GPC6: variants seen among roughly 807,000 people sequenced by gnomAD.
GPC6 encodes the protein glypican-6.
A neutral mutation model predicts 55.2 loss-of-function variants in GPC6; 14 were observed. That is an observed-to-expected ratio of 0.25 (90% CI 0.17 to 0.40). GPC6 has a LOEUF of 0.40. Ranked by LOEUF, GPC6 falls within the 10% of genes least tolerant of loss-of-function variation. GPC6 has a pLI of 1.00. For synonymous variants in GPC6, 278 were observed against 259.6 expected, an observed-to-expected ratio of 1.07 and a Z score of -0.68; for missense variants, 641 against 708.5, an observed-to-expected ratio of 0.90 and a Z score of 1.08.
chr13:93,735,292 T>C (rs9524184), intron 2 of GPC6, among the ~76,000 whole-genome samples: 73,123 of 151,968 alleles, frequency 0.48, 19,423 homozygotes, highest in Middle Eastern at 0.73. Flanking sequence ...CCCAGCACTT[T>C]GGGAGGCCGA....
chr13:93,759,876 T>TTG (rs1426883165), intron 2 of GPC6, among the ~76,000 whole-genome samples: 28 of 151,946 alleles, frequency 1.8e-4, no homozygotes, highest in African/African-American at 6.8e-4. Context: ...ATGGTTCCAG[T>TTG]AATATATGTT....
intron 2 of GPC6, among the ~76,000 whole-genome samples, chr13:93,751,177 A>T (rs1398393919): frequency 6.6e-6 from 1 of 151,928 alleles, no homozygotes; most frequent in Non-Finnish European, 1.5e-5. Flanking sequence ...AAACAAACAA[A>T]CAAACAAACA....
chr13:93,697,986 C>G lies in GPC6; in HGVS notation c.320-132168C>G, dbSNP rs41486244. On this transcript the variant is annotated intron_variant, in intron 2 of 8. Transcript: ENST00000377047. ...AAATGAAGTGAGTGTGGCCTTCAAC[C>G]ATATCTCTAAAATAATCTGATTCCT... is the stretch of plus-strand genomic sequence containing the variant. 1.2e-3 allele frequency among the ~76,000 whole-genome samples: 181 copies of G among 152,204 alleles called. 5 individuals are homozygous for G. The East Asian group carries it at 0.032, about 27-fold the overall frequency.
chr13:93,651,985 A>G (rs1880439076), intron 2 of GPC6, among the ~76,000 whole-genome samples: 1 of 152,166 alleles, frequency 6.6e-6, no homozygotes, highest in African/African-American at 2.4e-5. Context: ...GCTAAATGAT[A>G]AATTTAAACT....
rs371852301 is a variant in GPC6, at chr13:93,273,937, A to T, written c.160+46321A>T. Among the ~76,000 whole-genome samples, 21 of 151,888 alleles carry T rather than the reference A, an allele frequency of 1.4e-4. No homozygotes were observed. The East Asian group carries it at 1.8e-3, about 13-fold the overall frequency. ...AATTCTGTGCCTCAGCGTCCTGAGT[A>T]GCTGGGATTACAGGCACGTACCACC... On this transcript the variant is annotated intron_variant, in intron 1 of 8. Transcript: ENST00000377047.
At chr13:94,000,612 T>G (rs1283149049) in intron 3 of GPC6, among the ~76,000 whole-genome samples, 1 of 152,140 alleles carries the variant, frequency 6.6e-6, no homozygotes, top group Non-Finnish European at 1.5e-5. Context: ...ACAGAAAGAC[T>G]AAAAATAGGT....
chr13:93,368,367 T>TTCTTCCTC, intron 1 of GPC6, among the ~76,000 whole-genome samples: 1 of 122,596 alleles, frequency 8.2e-6, no homozygotes, highest in African/African-American at 2.8e-5. Context: ...CTTCCTTCCT[T>TTCTTCCTC]CCTTCCTTCC....
intron 1 of GPC6, among the ~76,000 whole-genome samples, chr13:93,351,829 C>A (rs1415332049): frequency 1.3e-5 from 2 of 152,116 alleles, no homozygotes; most frequent in Non-Finnish European, 2.9e-5. Context: ...CATTTGTCTT[C>A]ACTTTTCTGA....
chr13:93,944,579 GT>G (rs1288543513), intron 3 of GPC6, among the ~76,000 whole-genome samples: 1 of 152,148 alleles, frequency 6.6e-6, no homozygotes, highest in African/African-American at 2.4e-5. Context: ...CATTTTGCTT[GT>G]TTTACAGCCA....
At chr13:93,369,094 G>A (rs1881363097) in intron 1 of GPC6, among the ~76,000 whole-genome samples, 1 of 152,062 alleles carries the variant, frequency 6.6e-6, no homozygotes, top group Admixed American at 6.6e-5. Context: ...TGAGAAGAGA[G>A]AGGGGTGCCT....
chr13:93,871,980 AAAG>A (rs1889146155), intron 3 of GPC6, among the ~76,000 whole-genome samples: 1 of 151,656 alleles, frequency 6.6e-6, no homozygotes, highest in Non-Finnish European at 1.5e-5. Context: ...AAGAGGCACA[AAAG>A]AAATAAATAA....
At chr13:93,303,305 C>T (rs1878742575) in intron 1 of GPC6, among the ~76,000 whole-genome samples, 1 of 152,192 alleles carries the variant, frequency 6.6e-6, no homozygotes, top group Admixed American at 6.5e-5. Flanking sequence ...AGGCCACTTA[C>T]TCAGTTTACT....
chr13:93,545,966 A>G (rs916142788), intron 2 of GPC6, among the ~76,000 whole-genome samples: 2 of 152,172 alleles, frequency 1.3e-5, no homozygotes, highest in Non-Finnish European at 2.9e-5. Context: ...AGTCAATGTT[A>G]TTTCTATATT....
At chr13:93,973,971 T>A (rs560159820) in intron 3 of GPC6, among the ~76,000 whole-genome samples, 39 of 152,336 alleles carry the variant, frequency 2.6e-4, no homozygotes, top group African/African-American at 9.4e-4. Flanking sequence ...TCCCTGAAAC[T>A]TTTTAGGCGT....
At chr13:93,583,630 T>C (rs1214856559) in intron 2 of GPC6, among the ~76,000 whole-genome samples, 1 of 152,186 alleles carries the variant, frequency 6.6e-6, no homozygotes, top group African/African-American at 2.4e-5. Flanking sequence ...TTGGCCAAGC[T>C]GGTCTCAAGC....
intron 1 of GPC6, among the ~76,000 whole-genome samples, chr13:93,366,054 A>T (rs1307335781): frequency 6.6e-6 from 1 of 152,066 alleles, no homozygotes. Context: ...TGAGAGATAC[A>T]CTATATATCT....
chr13:94,085,313 T>C lies in GPC6; in HGVS notation c.877+57419T>C, dbSNP rs1389416809. Among the ~76,000 whole-genome samples, 3 of 107,398 alleles carry C rather than the reference T, an allele frequency of 2.8e-5. No individual in the cohort carries two copies. The East Asian group carries it at 8.2e-4, about 29-fold the overall frequency. 70.5% of individuals were successfully genotyped at this position (107,398 alleles called of 152,430 possible). On this transcript the variant is annotated intron_variant, in intron 4 of 8. Coordinates refer to ENST00000377047, the MANE Select transcript of GPC6 (RefSeq NM_005708.5). ...CTCCAGCCTGGGTGACAGAGCGAGATTCTGTCTCAAAAAAAAAAAAAAAAA... is the reference window on the plus strand; with the variant it reads ...CTCCAGCCTGGGTGACAGAGCGAGACTCTGTCTCAAAAAAAAAAAAAAAAA...
At chr13:93,504,252 G>A (rs1880624262) in intron 1 of GPC6, among the ~76,000 whole-genome samples, 1 of 152,044 alleles carries the variant, frequency 6.6e-6, no homozygotes, top group African/African-American at 2.4e-5. Flanking sequence ...TGGTTTAAAA[G>A]TTGATTTTCC....
intron 4 of GPC6, among the ~76,000 whole-genome samples, chr13:94,262,211 A>G (rs1444181709): frequency 6.6e-6 from 1 of 152,128 alleles, no homozygotes; most frequent in African/African-American, 2.4e-5. Flanking sequence ...AGTATATGAC[A>G]TTTGGATTTG....
Sources: gnomAD v4.1 joint callset for allele counts (sites outside exome capture counted in the v4.1 genomes callset) on GRCh38, gnomAD v4.1.1 for gene constraint, MANE v1.5 for transcripts, NCBI Gene and HGNC (gene_info 2026-07-23, HGNC 2026-07-21) for gene names.